The following PHF24 variants were observed in gnomAD, a reference collection of about 807,000 sequenced individuals.
The protein encoded by PHF24 is Galpha inhibitory interacting protein.
In PHF24, 25 loss-of-function variants were observed where a neutral mutation model predicts 42.6. The observed-to-expected ratio is 0.59, with a 90% CI of 0.43 to 0.82. PHF24 has a LOEUF of 0.82. Ranked by LOEUF, PHF24 falls within the 40% of genes least tolerant of loss-of-function variation. The pLI is 0.00. For synonymous variants in PHF24, 185 were observed against 204.8 expected (o/e 0.90, Z 0.83); for missense variants, 470 against 538.1 (o/e 0.87, Z 1.25).
At chr9:34,724,768 A>T in the PHF24 span, 2 of 1,551,778 alleles carry the variant, frequency 1.3e-6, no homozygotes, top group Non-Finnish European at 1.7e-6. Flanking sequence ...TCTGAATCAG[A>T]GGCTCTGCTG....
At chr9:34,969,380 G>T (rs555272496) in intron 1 of PHF24, among the ~76,000 whole-genome samples, 3 of 150,742 alleles carry the variant, frequency 2.0e-5, no homozygotes, top group Non-Finnish European at 3.0e-5. Context: ...GGTGGCTCAC[G>T]CCTGTAATCC....
At chr9:34,826,382 C>G in the PHF24 span, among the ~76,000 whole-genome samples, 35 of 152,212 alleles carry the variant, frequency 2.3e-4, no homozygotes, top group Admixed American at 3.9e-4. Flanking sequence ...TATGGCAGGC[C>G]TGGCCTAGAC....
the PHF24 span, among the ~76,000 whole-genome samples, chr9:34,843,758 G>A: frequency 1.3e-5 from 2 of 151,776 alleles, no homozygotes; most frequent in Admixed American, 6.6e-5. Context: ...TTTTTTTAGA[G>A]ACAGTATCTC....
the PHF24 span, among the ~76,000 whole-genome samples, chr9:34,772,853 G>T: frequency 2.6e-5 from 4 of 152,238 alleles, no homozygotes; most frequent in South Asian, 2.1e-4. Context: ...GTTACAAATA[G>T]AAATATGTAG....
At chr9:34,852,999 T>C in the PHF24 span, among the ~76,000 whole-genome samples, 1 of 152,186 alleles carries the variant, frequency 6.6e-6, no homozygotes, top group East Asian at 1.9e-4. Context: ...CCTTTACCTG[T>C]GATATCTGAA....
At chr9:34,751,370 AAAAT>A in the PHF24 span, among the ~76,000 whole-genome samples, 4 of 152,000 alleles carry the variant, frequency 2.6e-5, no homozygotes, top group African/African-American at 4.8e-5. Context: ...TGTCTCAAAA[AAAAT>A]AAATAAATAA....
At chr9:34,971,155 AACATGTGCTGTCTCC>A in intron 1 of PHF24, 125 bp from the exon 2 acceptor site, 1 of 686,574 alleles carries the variant, frequency 1.5e-6, no homozygotes, top group East Asian at 2.8e-5. Context: ...TCTGATCCTT[AACATGTGCTGTCTCC>A]ACCCCCACCA....
chr9:34,875,555 T>C, the PHF24 span, among the ~76,000 whole-genome samples: 12 of 152,230 alleles, frequency 7.9e-5, no homozygotes, highest in Non-Finnish European at 1.0e-4. Flanking sequence ...TATAAAAATA[T>C]ACGGCAGGAT....
the PHF24 span, among the ~76,000 whole-genome samples, chr9:34,686,412 C>T: frequency 2.0e-5 from 3 of 152,138 alleles, no homozygotes. Context: ...ACTGGATGTG[C>T]TCCTGGTGGG....
the PHF24 span, among the ~76,000 whole-genome samples, chr9:34,886,097 T>C: frequency 2.0e-5 from 3 of 151,952 alleles, no homozygotes; most frequent in African/African-American, 7.3e-5. Flanking sequence ...CTGCTTTTAG[T>C]AAAATCCAGC....
chr9:34,666,086 A>C, the PHF24 span: 1 of 230,124 alleles, frequency 4.3e-6, no homozygotes, highest in Non-Finnish European at 8.8e-6. Flanking sequence ...GTTGCGCACT[A>C]GGTTTGCCTG....
chr9:34,694,720 C>T, the PHF24 span, among the ~76,000 whole-genome samples: 32 of 152,134 alleles, frequency 2.1e-4, no homozygotes, highest in Middle Eastern at 3.4e-3. Flanking sequence ...CCACCCGCCT[C>T]GGCCTCCCAA....
chr9:34,875,251 G>C, the PHF24 span, among the ~76,000 whole-genome samples: 6 of 152,156 alleles, frequency 3.9e-5, no homozygotes, highest in Non-Finnish European at 8.8e-5. Flanking sequence ...CATCACTGCA[G>C]TCAAGGACAA....
the PHF24 span, among the ~76,000 whole-genome samples, chr9:34,908,909 G>A: frequency 6.9e-6 from 1 of 145,780 alleles, no homozygotes; most frequent in Non-Finnish European, 1.5e-5. Context: ...GTGCAGTGGT[G>A]CGATCTTGGC....
At chr9:34,847,366 T>C in the PHF24 span, among the ~76,000 whole-genome samples, 1 of 152,242 alleles carries the variant, frequency 6.6e-6, no homozygotes, top group Non-Finnish European at 1.5e-5. Flanking sequence ...GAAGCAGTTG[T>C]GAACAGGAGT....
chr9:34,838,006 T>C, the PHF24 span, among the ~76,000 whole-genome samples: 54,747 of 152,010 alleles, frequency 0.36, 10,215 homozygotes, highest in East Asian at 0.67. Flanking sequence ...TTCTAATACC[T>C]AAAGACTTCA....
chr9:34,877,568 A>G, the PHF24 span, among the ~76,000 whole-genome samples: 2 of 152,184 alleles, frequency 1.3e-5, no homozygotes, highest in Non-Finnish European at 2.9e-5. Context: ...TGGTCACACA[A>G]CATTGTGAAT....
At chr9:34,708,230 G>C in the PHF24 span, among the ~76,000 whole-genome samples, 1 of 152,096 alleles carries the variant, frequency 6.6e-6, no homozygotes, top group Admixed American at 6.5e-5. Context: ...CTGAATCCTG[G>C]GGTTCTGAAA....
chr9:34,793,850 C>T, the PHF24 span, among the ~76,000 whole-genome samples: 1 of 150,782 alleles, frequency 6.6e-6, no homozygotes, highest in Non-Finnish European at 1.5e-5. Context: ...GAACTTTCTA[C>T]TATAATCAGA....
Sources: gnomAD v4.1 joint callset for allele counts (sites outside exome capture counted in the v4.1 genomes callset) on GRCh38, gnomAD v4.1.1 for gene constraint, MANE v1.5 for transcripts, NCBI Gene and HGNC (gene_info 2026-07-23, HGNC 2026-07-21) for gene names.